The following FSTL1 variants were observed in gnomAD, a reference collection of about 807,000 sequenced individuals.
FSTL1 encodes follistatin-related protein 1.
Under a neutral mutation model 45.9 loss-of-function variants are expected in FSTL1, and 24 were observed. The ratio of observed to expected loss-of-function variants is 0.52; its 90% CI spans 0.38 to 0.74. The LOEUF (loss-of-function observed/expected upper bound fraction) is 0.74, where lower values mean the gene tolerates loss of function less well. Among genes scored for constraint, FSTL1 ranks in the 30% least tolerant of loss-of-function variants. The probability of loss-of-function intolerance (pLI) is 0.00; values close to 1 mark genes in which losing one functional copy is unlikely to be tolerated. For synonymous variants in FSTL1, 120 were observed against 137.6 expected (o/e 0.87, Z 0.89); for missense variants, 340 against 381.8 (o/e 0.89, Z 0.91).
chr3:120,427,312 TA>T (rs777225066), intron 2 of FSTL1, among the ~76,000 whole-genome samples: 1 of 152,206 alleles, frequency 6.6e-6, no homozygotes, highest in Non-Finnish European at 1.5e-5. Context: ...TTTATTTTTT[TA>T]AAAACAGAAC....
chr3:120,413,733 A>G (rs2107656479), intron 3 of FSTL1, among the ~76,000 whole-genome samples: 1 of 149,774 alleles, frequency 6.7e-6, no homozygotes, highest in Non-Finnish European at 1.5e-5. Context: ...CAAAAGAAGT[A>G]TTTATCAAAG....
chr3:120,434,749 G>T (rs1032009929), intron 2 of FSTL1, among the ~76,000 whole-genome samples: 4 of 152,078 alleles, frequency 2.6e-5, no homozygotes, highest in Non-Finnish European at 5.9e-5. Flanking sequence ...ACCGTTCCTT[G>T]GAATTCAAGC....
chr3:120,415,834 A>G, intron 3 of FSTL1, 89 bp downstream of exon 3: 1 of 702,352 alleles, frequency 1.4e-6, no homozygotes, highest in Non-Finnish European at 2.6e-6. Context: ...AGAGAATGAA[A>G]TCATTGGCAC....
intron 3 of FSTL1, among the ~76,000 whole-genome samples, chr3:120,414,252 A>T (rs552811774): frequency 5.3e-4 from 81 of 151,422 alleles, no homozygotes; most frequent in African/African-American, 1.9e-3. Flanking sequence ...ATCGTCTGGG[A>T]TGTGAGGAGC....
At chr3:120,445,541 C>T (rs1576229634) in intron 2 of FSTL1, among the ~76,000 whole-genome samples, 1 of 149,484 alleles carries the variant, frequency 6.7e-6, no homozygotes, top group East Asian at 1.9e-4. Flanking sequence ...TCATACCTTT[C>T]TGTACTAACT....
At chr3:120,440,064 G>A (rs1937612127) in intron 2 of FSTL1, among the ~76,000 whole-genome samples, 2 of 152,172 alleles carry the variant, frequency 1.3e-5, no homozygotes, top group African/African-American at 4.8e-5. Context: ...AGTGAGCTAA[G>A]ATTGTGTCAC....
chr3:120,446,202 T>C (rs1193711225), intron 2 of FSTL1, among the ~76,000 whole-genome samples: 1 of 152,252 alleles, frequency 6.6e-6, no homozygotes, highest in African/African-American at 2.4e-5. Context: ...GCTCATCCTT[T>C]ACTTCCTATT....
intron 10 of FSTL1, among the ~76,000 whole-genome samples, chr3:120,399,337 G>A (rs1936769491): frequency 6.6e-6 from 1 of 152,118 alleles, no homozygotes; most frequent in Admixed American, 6.5e-5. Flanking sequence ...TTATCTTCTT[G>A]AGTCTCTGGG....
At chr3:120,401,436 T>C (rs1336262311) in intron 9 of FSTL1, among the ~76,000 whole-genome samples, 2 of 152,206 alleles carry the variant, frequency 1.3e-5, no homozygotes, top group African/African-American at 2.4e-5. Flanking sequence ...CCATTTATAC[T>C]GTTGCTGTTC....
intron 3 of FSTL1, among the ~76,000 whole-genome samples, chr3:120,412,874 A>T (rs1230174269): frequency 6.9e-6 from 1 of 145,326 alleles, no homozygotes; most frequent in Non-Finnish European, 1.5e-5. Flanking sequence ...ACACACACAC[A>T]CTCCAATTCT....
At chr3:120,408,028 T>C (rs1936979514) in intron 6 of FSTL1, among the ~76,000 whole-genome samples, 2 of 152,334 alleles carry the variant, frequency 1.3e-5, no homozygotes, top group South Asian at 4.1e-4. Context: ...AAAAAATGGT[T>C]ACAACGTCCT....
At chr3:120,413,798 C>CT in intron 3 of FSTL1, among the ~76,000 whole-genome samples, 1 of 34 alleles carries the variant, frequency 0.029, no homozygotes, top group Admixed American at 0.083. Context: ...TCTCCCCCTC[C>CT]CCCTCCCTCT....
At chr3:120,422,512 TAAAC>T (rs569874173) in intron 2 of FSTL1, among the ~76,000 whole-genome samples, 141 of 152,260 alleles carry the variant, frequency 9.3e-4, no homozygotes, top group African/African-American at 3.3e-3. Context: ...TGCTTAAAAA[TAAAC>T]AAAAATTATT....
chr3:120,397,752 A>G (rs1200174742), intron 10 of FSTL1, among the ~76,000 whole-genome samples: 1 of 152,230 alleles, frequency 6.6e-6, no homozygotes. Context: ...TTCCACTTCT[A>G]GGTAAATACC....
intron 3 of FSTL1, among the ~76,000 whole-genome samples, chr3:120,412,838 G>GCGCGCA (rs1429168694): frequency 1.5e-3 from 154 of 106,162 alleles, no homozygotes; most frequent in East Asian, 0.011. Flanking sequence ...GCGCGCGCGC[G>GCGCGCA]CACACACACA....
chr3:120,399,951 G>C lies in FSTL1; in HGVS notation c.814C>G (p.Gln272Glu), dbSNP rs371812718. ...CTAMTCDGKN[Q>E]KGAQTQTEEE... ...TCTGTCTGGGTCTGGGCCCCCTTCT[G>C]ATTCTTTCCTGCAAGAAGAACCAAA... The change falls in exon 10 of 11, where the codon CAG becomes GAG. Residue 272 changes from glutamine to glutamate, a missense_variant. Transcript: ENST00000295633. 2 of 1,605,916 alleles carry C rather than the reference G, an allele frequency of 1.2e-6. No individual in the cohort carries two copies. The highest frequency in any genetic ancestry group is 1.3e-5 in the African/African-American group (1 of 74,808).
intron 2 of FSTL1, among the ~76,000 whole-genome samples, chr3:120,424,701 C>T (rs959672279): frequency 3.3e-5 from 5 of 152,082 alleles, no homozygotes; most frequent in East Asian, 1.9e-4. Flanking sequence ...TACAGAATAA[C>T]GAGGTCTGGC....
At chr3:120,437,727 T>C (rs560267155) in intron 2 of FSTL1, among the ~76,000 whole-genome samples, 3 of 152,334 alleles carry the variant, frequency 2.0e-5, no homozygotes, top group East Asian at 1.9e-4. Flanking sequence ...ACCTCCAATA[T>C]TGAGCTGGCT....
At chr3:120,440,135 G>C (rs874477) in intron 2 of FSTL1, among the ~76,000 whole-genome samples, 90,213 of 151,862 alleles carry the variant, frequency 0.59, 29,810 homozygotes, top group East Asian at 0.8. Context: ...AAAACAACTG[G>C]TACAAAAAAA....
Sources: gnomAD v4.1 joint callset for allele counts (sites outside exome capture counted in the v4.1 genomes callset) on GRCh38, gnomAD v4.1.1 for gene constraint, MANE v1.5 for transcripts, NCBI Gene and HGNC (gene_info 2026-07-23, HGNC 2026-07-21) for gene names.